The following B3GALT1 variants were observed in gnomAD, a reference collection of about 807,000 sequenced individuals.
B3GALT1 encodes UDP-Gal:betaGlcNAc beta 1,3-galactosyltransferase, polypeptide 1.
A neutral mutation model predicts 23.2 loss-of-function variants in B3GALT1; 10 were observed. That is an observed-to-expected ratio of 0.43 (90% CI 0.27 to 0.73). B3GALT1 has a LOEUF of 0.73. Ranked by LOEUF, B3GALT1 falls within the 30% of genes least tolerant of loss-of-function variation. The probability of loss-of-function intolerance (pLI) is 0.21; values close to 1 mark genes in which losing one functional copy is unlikely to be tolerated. For synonymous variants in B3GALT1, 156 were observed against 141.5 expected, an observed-to-expected ratio of 1.10 and a Z score of -0.73; for missense variants, 299 against 405.4, an observed-to-expected ratio of 0.74 and a Z score of 2.25.
At chr2:167,368,586 C>T (rs138229794) in intron 1 of B3GALT1, among the ~76,000 whole-genome samples, 65 of 152,248 alleles carry the variant, frequency 4.3e-4, no homozygotes, top group African/African-American at 1.5e-3. Context: ...GATTCAGGCA[C>T]CCCTCATTTT....
At chr2:167,714,808 T>C (rs1362441749) in intron 3 of B3GALT1, 82 of 1,612,384 alleles carry the variant, frequency 5.1e-5, no homozygotes, top group Non-Finnish European at 6.3e-5. Context: ...GGCTGATCTT[T>C]TCTTCCACTT....
intron 2 of B3GALT1, among the ~76,000 whole-genome samples, chr2:167,551,590 G>A (rs1683747187): frequency 6.6e-6 from 1 of 152,154 alleles, no homozygotes; most frequent in African/African-American, 2.4e-5. Context: ...ATAGAAATCA[G>A]CCAACAGCCT....
At chr2:167,564,282 G>A (rs372775773) in intron 2 of B3GALT1, among the ~76,000 whole-genome samples, 30 of 151,174 alleles carry the variant, frequency 2.0e-4, no homozygotes, top group Admixed American at 1.0e-3. Context: ...GGGCAGAGAC[G>A]CTCCCCCCCT....
At chr2:167,498,832 T>C (rs1235633703) in intron 2 of B3GALT1, among the ~76,000 whole-genome samples, 1 of 152,108 alleles carries the variant, frequency 6.6e-6, no homozygotes, top group East Asian at 1.9e-4. Flanking sequence ...TAAAAACCAC[T>C]GTCAAGAAAG....
At chr2:167,323,325 CTG>C (rs1192059569) in intron 1 of B3GALT1, among the ~76,000 whole-genome samples, 1 of 152,000 alleles carries the variant, frequency 6.6e-6, no homozygotes, top group Non-Finnish European at 1.5e-5. Context: ...ATGTCTGTGT[CTG>C]TATTATAAAA....
intron 2 of B3GALT1, among the ~76,000 whole-genome samples, chr2:167,496,622 A>G (rs141337464): frequency 8.9e-4 from 135 of 152,308 alleles, no homozygotes; most frequent in South Asian, 8.1e-3. Context: ...AAAATAAAGC[A>G]TATTCTATCA....
chr2:167,589,441 T>G (rs1684637671), intron 2 of B3GALT1, among the ~76,000 whole-genome samples: 1 of 152,170 alleles, frequency 6.6e-6, no homozygotes. Flanking sequence ...TTATAATTAT[T>G]CTTACTTTCA....
intron 3 of B3GALT1, among the ~76,000 whole-genome samples, chr2:167,791,004 A>C (rs1205844196): frequency 6.6e-6 from 1 of 152,152 alleles, no homozygotes; most frequent in Non-Finnish European, 1.5e-5. Context: ...TCAAGGCTCT[A>C]CTTTAGATTT....
intron 3 of B3GALT1, among the ~76,000 whole-genome samples, chr2:167,760,968 A>G (rs1687891097): frequency 6.6e-6 from 1 of 152,170 alleles, no homozygotes; most frequent in African/African-American, 2.4e-5. Flanking sequence ...AGCATATGTG[A>G]GCCTGGAGTG....
chr2:167,542,399 C>G (rs1683547771), intron 2 of B3GALT1, among the ~76,000 whole-genome samples: 1 of 152,104 alleles, frequency 6.6e-6, no homozygotes, highest in South Asian at 2.1e-4. Flanking sequence ...CATGCTTATT[C>G]TGTGTTTAAA....
intron 1 of B3GALT1, among the ~76,000 whole-genome samples, chr2:167,448,174 T>A (rs1302189738): frequency 6.6e-6 from 1 of 152,192 alleles, no homozygotes. Flanking sequence ...GTTGTTCTAC[T>A]TTTAGTTCTT....
At chr2:167,654,887 A>AG (rs1685931557) in intron 3 of B3GALT1, among the ~76,000 whole-genome samples, 4 of 151,338 alleles carry the variant, frequency 2.6e-5, no homozygotes, top group South Asian at 4.2e-4. Context: ...CCTCTCCCCC[A>AG]GGTAACTACC....
intron 1 of B3GALT1, among the ~76,000 whole-genome samples, chr2:167,379,155 T>C (rs1697805294): frequency 6.6e-6 from 1 of 152,120 alleles, no homozygotes; most frequent in Non-Finnish European, 1.5e-5. Context: ...GCAAGGCACC[T>C]TCTTCATAAG....
chr2:167,732,398 A>G (rs1392459724), intron 3 of B3GALT1, among the ~76,000 whole-genome samples: 1 of 152,232 alleles, frequency 6.6e-6, no homozygotes, highest in Non-Finnish European at 1.5e-5. Flanking sequence ...CACAGTGGTC[A>G]CTCCAGACAA....
intron 1 of B3GALT1, among the ~76,000 whole-genome samples, chr2:167,467,970 TATA>T: frequency 6.6e-6 from 1 of 152,278 alleles, no homozygotes; most frequent in Admixed American, 6.5e-5. Flanking sequence ...AATATACATA[TATA>T]ATATGTTAGT....
chr2:167,549,774 T>C (rs1683713473), intron 2 of B3GALT1, among the ~76,000 whole-genome samples: 1 of 152,210 alleles, frequency 6.6e-6, no homozygotes, highest in South Asian at 2.1e-4. Context: ...CTCAACCTAA[T>C]GTTAGCATCA....
chr2:167,351,603 G>A (rs1418572175), intron 1 of B3GALT1, among the ~76,000 whole-genome samples: 1 of 152,044 alleles, frequency 6.6e-6, no homozygotes, highest in Non-Finnish European at 1.5e-5. Context: ...GGAGTGGTCA[G>A]GATTGAAGAT....
intron 1 of B3GALT1, among the ~76,000 whole-genome samples, chr2:167,435,358 C>T (rs1455896588): frequency 7.4e-6 from 1 of 134,890 alleles, no homozygotes; most frequent in Non-Finnish European, 1.5e-5. Context: ...AAAATTCTTA[C>T]CTAGAATAAC....
chr2:167,710,012 CAGTGA>C (rs893384447), intron 3 of B3GALT1, among the ~76,000 whole-genome samples: 2 of 151,962 alleles, frequency 1.3e-5, no homozygotes, highest in Non-Finnish European at 2.9e-5. Context: ...TTTTTCCACT[CAGTGA>C]AGTGACCCAG....
Sources: allele counts gnomAD v4.1 joint callset (sites outside exome capture counted in the v4.1 genomes callset), GRCh38; gene constraint gnomAD v4.1.1; transcripts MANE v1.5; gene names NCBI Gene and HGNC (gene_info 2026-07-23, HGNC 2026-07-21).